The following CDH17 variants were observed in gnomAD, a reference collection of about 807,000 sequenced individuals.
CDH17 encodes cadherin 17, also known as cadherin-17.
In CDH17, 67 loss-of-function variants were observed where a neutral mutation model predicts 86.3. The observed-to-expected ratio is 0.78, with a 90% CI of 0.64 to 0.95. CDH17 has a LOEUF of 0.95. Ranked by LOEUF, CDH17 falls within the 40% of genes least tolerant of loss-of-function variation. The pLI is 0.00. For missense variants in CDH17, 993 were observed against 1,017.6 expected, an observed-to-expected ratio of 0.98 and a Z score of 0.33; for synonymous variants, 367 against 366.4, an observed-to-expected ratio of 1.00 and a Z score of -0.02.
At chr8:94,176,881 T>C (rs1813384719) in intron 4 of CDH17, among the ~76,000 whole-genome samples, 1 of 152,232 alleles carries the variant, frequency 6.6e-6, no homozygotes, top group African/African-American at 2.4e-5. Context: ...GGTGACTTTC[T>C]ATCAGCAGGG....
chr8:94,180,942 C>A (rs9771512), intron 3 of CDH17, among the ~76,000 whole-genome samples: 4 of 128,580 alleles, frequency 3.1e-5, no homozygotes, highest in African/African-American at 6.0e-5. Flanking sequence ...AACAAACAAA[C>A]CAAAAAAAAA....
At chr8:94,208,737 C>T (rs1814076867), upstream of CDH17, 1 of 152,168 alleles carries the variant, frequency 6.6e-6, no homozygotes, top group Admixed American at 6.5e-5. Context: ...AGAAGTTTAA[C>T]TTACATCTAA....
chr8:94,161,604 C>CCAAAGAA (rs1342515921), intron 11 of CDH17, among the ~76,000 whole-genome samples: 1 of 152,144 alleles, frequency 6.6e-6, no homozygotes, highest in African/African-American at 2.4e-5. Flanking sequence ...ATGTCTTGGG[C>CCAAAGAA]ACATTTTTCT....
chr8:94,175,438 AGAAGGAAGAAGCT>A (rs1363770010), intron 5 of CDH17, among the ~76,000 whole-genome samples: 4 of 152,190 alleles, frequency 2.6e-5, no homozygotes, highest in Non-Finnish European at 4.4e-5. Flanking sequence ...TTGAAGAAAG[AGAAGGAAGAAGCT>A]TGATGGTGGG....
At chr8:94,156,097 T>G (rs908800677) in intron 12 of CDH17, among the ~76,000 whole-genome samples, 2 of 152,180 alleles carry the variant, frequency 1.3e-5, no homozygotes, top group Non-Finnish European at 2.9e-5. Context: ...CAGTCCCATC[T>G]GGCAAGACAT....
chr8:94,132,698 T>C (rs979925504), intron 15 of CDH17, among the ~76,000 whole-genome samples: 3 of 152,192 alleles, frequency 2.0e-5, no homozygotes, highest in African/African-American at 7.2e-5. Context: ...AGTTTGTCTT[T>C]TGTTGCCATT....
intron 1 of CDH17, among the ~76,000 whole-genome samples, chr8:94,198,227 G>A (rs534864128): frequency 1.3e-5 from 2 of 152,186 alleles, no homozygotes; most frequent in South Asian, 4.2e-4. Flanking sequence ...GAAAAGCTAG[G>A]ATTAAAACCC....
chr8:94,129,633 C>G (rs1812370785), intron 17 of CDH17, among the ~76,000 whole-genome samples: 1 of 152,164 alleles, frequency 6.6e-6, no homozygotes, highest in Non-Finnish European at 1.5e-5. Context: ...AATGAAGTAT[C>G]TATTCCTAAT....
chr8:94,170,692 T>C, intron 8 of CDH17, 145 bp from the exon 9 acceptor site: 1 of 1,327,044 alleles, frequency 7.5e-7, no homozygotes, highest in African/African-American at 1.5e-5. Context: ...CTGAGATGGG[T>C]CAGAATTATG....
At chr8:94,170,757 T>C (rs553462701) in intron 8 of CDH17, 97 bp downstream of exon 8, 5 of 1,355,730 alleles carry the variant, frequency 3.7e-6, no homozygotes, top group South Asian at 3.0e-5. Context: ...GAAATGTGTG[T>C]TTTTTTTTTC....
intron 1 of CDH17, among the ~76,000 whole-genome samples, chr8:94,195,881 C>G (rs557991647): frequency 6.6e-6 from 1 of 152,188 alleles, no homozygotes; most frequent in Non-Finnish European, 1.5e-5. Flanking sequence ...CTGCCTCAGC[C>G]TCCCAAGTAG....
At chr8:94,128,734 A>C (rs1313657318) in intron 17 of CDH17, among the ~76,000 whole-genome samples, 1 of 152,190 alleles carries the variant, frequency 6.6e-6, no homozygotes, top group Non-Finnish European at 1.5e-5. Context: ...TTTCCTAGAG[A>C]AAACAATCCA....
intron 13 of CDH17, among the ~76,000 whole-genome samples, chr8:94,149,653 C>A (rs1812820847): frequency 6.6e-6 from 1 of 152,122 alleles, no homozygotes; most frequent in Non-Finnish European, 1.5e-5. Context: ...GGCATTTCAG[C>A]AGTGCTGGGG....
intron 1 of CDH17, among the ~76,000 whole-genome samples, chr8:94,203,487 T>C (rs111514921): frequency 2.6e-5 from 4 of 152,284 alleles, no homozygotes; most frequent in African/African-American, 4.8e-5. Flanking sequence ...AAGAGCGGCA[T>C]AAATTATAAG....
At chr8:94,196,471 G>A (rs568966853) in intron 1 of CDH17, among the ~76,000 whole-genome samples, 4 of 152,104 alleles carry the variant, frequency 2.6e-5, no homozygotes, top group Non-Finnish European at 5.9e-5. Context: ...TTGGGAGACC[G>A]AGGCAGGTGG....
chr8:94,187,962 G>A (rs986441544), intron 3 of CDH17, among the ~76,000 whole-genome samples: 1 of 152,166 alleles, frequency 6.6e-6, no homozygotes, highest in South Asian at 2.1e-4. Context: ...GCCCCTGCCA[G>A]CTCTTACTCT....
chr8:94,195,293 C>T (rs535243169), intron 1 of CDH17, among the ~76,000 whole-genome samples: 52 of 152,106 alleles, frequency 3.4e-4, no homozygotes, highest in African/African-American at 1.2e-3. Flanking sequence ...GCCCAGCCAG[C>T]AATGAGTATT....
chr8:94,191,000 C>T (rs562639036), intron 2 of CDH17, among the ~76,000 whole-genome samples: 1 of 152,276 alleles, frequency 6.6e-6, no homozygotes, highest in South Asian at 2.1e-4. Flanking sequence ...ACTGCCAAGC[C>T]CTCTCCTTTT....
At chr8:94,174,341 C>G in intron 5 of CDH17, 81 bp from the exon 6 acceptor site, 1 of 1,385,040 alleles carries the variant, frequency 7.2e-7, no homozygotes, top group Non-Finnish European at 9.8e-7. Flanking sequence ...CTTTTTCCAT[C>G]TAAAAAGTGG....
Sources: gnomAD v4.1 joint callset for allele counts (sites outside exome capture counted in the v4.1 genomes callset) on GRCh38, gnomAD v4.1.1 for gene constraint, MANE v1.5 for transcripts, NCBI Gene and HGNC (gene_info 2026-07-23, HGNC 2026-07-21) for gene names.